ST3GAL3: variants seen among roughly 807,000 people sequenced by gnomAD.
ST3GAL3 encodes the protein CMP-N-acetylneuraminate-beta-1,4-galactoside alpha-2,3-sialyltransferase.
In ST3GAL3, 21 loss-of-function variants were observed where a neutral mutation model predicts 50.1. The observed-to-expected ratio is 0.42, with a 90% confidence interval of 0.30 to 0.60. The LOEUF is 0.60. Among genes scored for constraint, ST3GAL3 ranks in the 20% least tolerant of loss-of-function variants. The pLI, the probability that ST3GAL3 is intolerant of heterozygous loss-of-function variation, is 0.19. For synonymous variants in ST3GAL3, 183 were observed against 190.0 expected, an observed-to-expected ratio of 0.96 and a Z score of 0.30; for missense variants, 353 against 489.4, an observed-to-expected ratio of 0.72 and a Z score of 2.63.
At chr1:43,928,604 A>G (rs972100620) in intron 11 of ST3GAL3, among the ~76,000 whole-genome samples, 4 of 150,990 alleles carry the variant, frequency 2.6e-5, no homozygotes, top group African/African-American at 9.7e-5. Context: ...CATCTGAAAA[A>G]AAAAACAAAA....
chr1:43,721,067 G>A (rs1329817036), intron 1 of ST3GAL3, among the ~76,000 whole-genome samples: 2 of 151,932 alleles, frequency 1.3e-5, no homozygotes, highest in African/African-American at 2.4e-5. Flanking sequence ...GAAACATAAT[G>A]AGACCCTTGT....
In ST3GAL3 at chr1:43,851,409, C is replaced by T; in HGVS notation, c.302+13098C>T. 2.5e-6 allele frequency: 4 copies of T among 1,611,250 alleles called. No homozygotes were observed. In the South Asian group the frequency reaches 4.4e-5, roughly 18 times the overall value. On this transcript the variant is annotated intron_variant, in intron 5 of 11. Coordinates refer to ENST00000347631, the MANE Select transcript of ST3GAL3 (RefSeq NM_006279.5). ...GCAAGGCTGGACGTTGACCCCCCAG[C>T]ACTGTGGGTCCAGCTTATAGGCCTG... is the stretch of plus-strand genomic sequence containing the variant.
chr1:43,862,845 G>A (rs138170372), intron 5 of ST3GAL3, among the ~76,000 whole-genome samples: 4 of 152,260 alleles, frequency 2.6e-5, no homozygotes, highest in African/African-American at 9.6e-5. Flanking sequence ...GAGCCAGGGA[G>A]GTTGAGGCTA....
At chr1:43,813,611 G>A (rs2060826455) in intron 3 of ST3GAL3, among the ~76,000 whole-genome samples, 1 of 152,144 alleles carries the variant, frequency 6.6e-6, no homozygotes, top group African/African-American at 2.4e-5. Context: ...TCTCTTCACA[G>A]CTCAGATGAT....
At chr1:43,803,685 C>A (rs2059571614) in intron 3 of ST3GAL3, among the ~76,000 whole-genome samples, 1 of 152,334 alleles carries the variant, frequency 6.6e-6, no homozygotes, top group East Asian at 1.9e-4. Context: ...GTTCATCCAA[C>A]AAGTTATATG....
intron 5 of ST3GAL3, among the ~76,000 whole-genome samples, chr1:43,888,370 G>A (rs1257169756): frequency 6.6e-6 from 1 of 152,138 alleles, no homozygotes; most frequent in Non-Finnish European, 1.5e-5. Context: ...AACCTACTGT[G>A]TGGGAGGCCA....
chr1:43,899,415 C>A lies in ST3GAL3; in HGVS notation c.558-126C>A. On this transcript the variant is annotated intron_variant, in intron 8 of 11. Transcript: ENST00000347631. The surrounding 1 kb of genome is among the most constrained non-coding windows in gnomAD (Gnocchi z 5.4). ...GGAGGGCTTTGGAACAGACAACTAGCGGGGGCACCTGGGGAGAATAGGTCC... is the reference window on the plus strand; with the variant it reads ...GGAGGGCTTTGGAACAGACAACTAGAGGGGGCACCTGGGGAGAATAGGTCC... 6.4e-7 allele frequency: 1 copy of A among 1,572,246 alleles called. No homozygotes were observed. Among genetic ancestry groups the A allele is most frequent in the South Asian group, 1.1e-5 (1 of 88,136 alleles).
At chr1:43,857,675 G>A (rs1157671363) in intron 5 of ST3GAL3, among the ~76,000 whole-genome samples, 1 of 148,978 alleles carries the variant, frequency 6.7e-6, no homozygotes, top group African/African-American at 2.5e-5. Flanking sequence ...GAGTGCAATG[G>A]TGTGATTTTG....
chr1:43,849,543 TA>T (rs2066896379), intron 5 of ST3GAL3, among the ~76,000 whole-genome samples: 1 of 152,238 alleles, frequency 6.6e-6, no homozygotes, highest in Non-Finnish European at 1.5e-5. Context: ...AAAATGGTCG[TA>T]TATGTTTTGC....
intron 2 of ST3GAL3, among the ~76,000 whole-genome samples, chr1:43,780,162 T>C (rs1698909186): frequency 6.6e-6 from 1 of 152,226 alleles, no homozygotes; most frequent in Non-Finnish European, 1.5e-5. Context: ...AAAATGTCTT[T>C]ATTCTGATTT....
chr1:43,808,620 A>T (rs1052445786), intron 3 of ST3GAL3, among the ~76,000 whole-genome samples: 4 of 152,290 alleles, frequency 2.6e-5, no homozygotes, highest in African/African-American at 9.6e-5. Flanking sequence ...TGTCGCAGGG[A>T]AGGAGAACCC....
chr1:43,716,543 T>G (rs1432724853), intron 1 of ST3GAL3: 1 of 152,204 alleles, frequency 6.6e-6, no homozygotes, highest in Non-Finnish European at 1.5e-5. Context: ...ATTTATGAAG[T>G]GTTCCATAAA....
At position 43,821,449 on chromosome 1, in the gene ST3GAL3, C is replaced by T. The variant is rs139825666; in HGVS notation, c.209+6516C>T. Among the ~76,000 whole-genome samples the T allele has an allele frequency of 1.7e-3, 255 of 151,890 alleles. 2 individuals carry two copies. The highest frequency in any genetic ancestry group is 0.014 in the Middle Eastern group (4 of 292). On this transcript the variant is annotated intron_variant, in intron 4 of 11. Coordinates refer to ENST00000347631, the MANE Select transcript of ST3GAL3 (RefSeq NM_006279.5). ...AAGCAAAAATGGAAGGAACATTCAC[C>T]GAAGAGTTTGAGGATATAAAGGAAC...
intron 11 of ST3GAL3, chr1:43,921,630 C>G: frequency 2.5e-6 from 1 of 398,890 alleles, no homozygotes; most frequent in Non-Finnish European, 4.4e-6. Context: ...TGTGCAGATT[C>G]CTGTTTCTGT....
chr1:43,823,910 G>T (rs1195806021), intron 4 of ST3GAL3, among the ~76,000 whole-genome samples: 68 of 152,162 alleles, frequency 4.5e-4, no homozygotes, highest in Non-Finnish European at 8.8e-5. Context: ...ACCCTTCTCT[G>T]CCTGGCTCCA....
At chr1:43,715,954 AC>A (rs762996774) in intron 1 of ST3GAL3, among the ~76,000 whole-genome samples, 9 of 152,066 alleles carry the variant, frequency 5.9e-5, no homozygotes, top group Non-Finnish European at 1.0e-4. Flanking sequence ...AAACTCATGG[AC>A]CCCCTAAAAG....
intron 2 of ST3GAL3, among the ~76,000 whole-genome samples, chr1:43,782,891 G>C (rs1699815485): frequency 6.6e-6 from 1 of 152,032 alleles, no homozygotes; most frequent in Admixed American, 6.6e-5. Flanking sequence ...TGTATTTATA[G>C]TCCCTTTTAG....
chr1:43,801,243 T>C (rs560851346), intron 3 of ST3GAL3: 9 of 456,174 alleles, frequency 2.0e-5, no homozygotes, highest in Admixed American at 9.4e-5. Context: ...GTGGTTGTCA[T>C]CAGTAGCAGT....
chr1:43,808,177 G>A (rs932222540), intron 3 of ST3GAL3, among the ~76,000 whole-genome samples: 11 of 151,748 alleles, frequency 7.2e-5, no homozygotes, highest in Admixed American at 5.9e-4. Flanking sequence ...AGTGGCGGGC[G>A]CCTGTAATCC....
Sources: gnomAD v4.1 joint callset for allele counts (sites outside exome capture counted in the v4.1 genomes callset) on GRCh38, gnomAD v4.1.1 for gene constraint, Gnocchi (gnomAD v3.1) non-coding constraint, MANE v1.5 for transcripts, NCBI Gene and HGNC (gene_info 2026-07-23, HGNC 2026-07-21) for gene names.